The following DNASE1 variants were observed in gnomAD, a reference collection of about 807,000 sequenced individuals.
The protein encoded by DNASE1 is deoxyribonuclease 1.
In DNASE1, 40 loss-of-function variants were observed where a neutral mutation model predicts 33.9. The observed-to-expected ratio is 1.18, with a 90% confidence interval of 0.92 to 1.54. DNASE1 has a LOEUF of 1.54. DNASE1 is among the 40% of genes most tolerant of loss of function. The pLI, the probability that DNASE1 is intolerant of heterozygous loss-of-function variation, is 0.00. For missense variants in DNASE1, 518 were observed against 372.6 expected (o/e 1.39, Z -3.21); for synonymous variants, 216 against 160.0 (o/e 1.35, Z -2.64).
chr16:3,616,355 T>A (rs2041103220), intron 1 of DNASE1, among the ~76,000 whole-genome samples: 1 of 152,248 alleles, frequency 6.6e-6, no homozygotes, highest in Non-Finnish European at 1.5e-5. Flanking sequence ...GTGCGGTGGC[T>A]CACGCCTGTA....
chr16:3,634,215 A>G (rs2041796768), intron 1 of DNASE1, among the ~76,000 whole-genome samples: 1 of 151,238 alleles, frequency 6.6e-6, no homozygotes, highest in African/African-American at 2.4e-5. Flanking sequence ...TGTTGTCGAG[A>G]CAGGGTTTTT....
At chr16:3,621,866 G>C (rs542162076) in intron 1 of DNASE1, among the ~76,000 whole-genome samples, 1 of 152,270 alleles carries the variant, frequency 6.6e-6, no homozygotes, top group South Asian at 2.1e-4. Context: ...AAGTGGAATT[G>C]CTGGGTCAAA....
intron 2 of DNASE1, 61 bp from the exon 3 acceptor site, chr16:3,655,788 G>T: frequency 6.3e-7 from 1 of 1,594,010 alleles, no homozygotes; most frequent in Non-Finnish European, 8.6e-7. Flanking sequence ...TCCCTTTGTG[G>T]CGCTGTAGGG....
downstream of DNASE1, chr16:3,658,478 T>A: frequency 3.5e-6 from 2 of 578,716 alleles, no homozygotes; most frequent in South Asian, 4.2e-5. Flanking sequence ...GGTCAGGAGA[T>A]TGAGACCATC....
chr16:3,612,542 C>G (rs1267766854), intron 1 of DNASE1, among the ~76,000 whole-genome samples: 1 of 138,012 alleles, frequency 7.2e-6, no homozygotes, highest in Non-Finnish European at 1.5e-5. Context: ...TGAGCCACCG[C>G]TCACGGCTTT....
rs1449310306 is a variant in DNASE1 at position 3,656,639 on chromosome 16, C to T, written c.322C>T (p.Pro108Ser). The T allele has an allele frequency of 3.1e-6, 5 of 1,609,980 alleles. No homozygotes were observed. The Admixed American group carries it at 8.4e-5, about 27-fold the overall frequency. The change falls in exon 5 of 9, where the codon CCT becomes TCT. Residue 108 changes from proline (P) to serine (S), a missense_variant and splice_region_variant. Pro to Ser is a moderately conservative substitution (Grantham distance 74). Coordinates refer to ENST00000246949, the MANE Select transcript of DNASE1 (RefSeq NM_005223.4). ...TCCTCCTGCCCGGCCTTCCCGCAGG[C>T]CTGACCAGGTGTCTGCGGTGGACAG... ...YKERYLFVYRPDQVSAVDSYY... is the reference protein window; with the variant it reads ...YKERYLFVYRSDQVSAVDSYY...
At chr16:3,657,476 C>A in intron 7 of DNASE1, 135 bp downstream of exon 7, 1 of 1,333,800 alleles carries the variant, frequency 7.5e-7, no homozygotes, top group African/African-American at 1.5e-5. Flanking sequence ...CTACAGGGAA[C>A]AGAATAACAA....
At chr16:3,644,734 C>CTTT in intron 1 of DNASE1, among the ~76,000 whole-genome samples, 1 of 103,060 alleles carries the variant, frequency 9.7e-6, no homozygotes, top group East Asian at 2.7e-4. Context: ...GACTCCATCT[C>CTTT]AAAAAAAAAA....
chr16:3,633,365 G>A (rs1484505131), intron 1 of DNASE1, among the ~76,000 whole-genome samples: 1 of 152,152 alleles, frequency 6.6e-6, no homozygotes, highest in Non-Finnish European at 1.5e-5. Context: ...CCAGCACTTT[G>A]GGAGGCCAAG....
At chr16:3,643,543 G>A (rs1278925859) in intron 1 of DNASE1, among the ~76,000 whole-genome samples, 2 of 152,142 alleles carry the variant, frequency 1.3e-5, no homozygotes, top group African/African-American at 4.8e-5. Flanking sequence ...GCCCACCACG[G>A]AGCGGAGTGG....
chr16:3,661,951 T>C (rs371279217), downstream of DNASE1: 5 of 1,558,828 alleles, frequency 3.2e-6, no homozygotes, highest in African/African-American at 2.7e-5. Context: ...TTCTGGGGAA[T>C]CCCACAGGCT....
chr16:3,656,861 G>T, intron 5 of DNASE1, 108 bp downstream of exon 5: 1 of 1,543,516 alleles, frequency 6.5e-7, no homozygotes, highest in South Asian at 1.2e-5. Context: ...CCAGTCCCTG[G>T]GGCTTGGGTT....
chr16:3,662,259 A>G (rs1055410922), downstream of DNASE1: 6 of 1,137,936 alleles, frequency 5.3e-6, no homozygotes, highest in Admixed American at 1.0e-4. Context: ...ACTCCCCTGG[A>G]CCAGCGCTGC....
intron 2 of DNASE1, 143 bp downstream of exon 2, chr16:3,655,663 G>A (rs2042558385): frequency 1.4e-6 from 2 of 1,453,264 alleles, no homozygotes; most frequent in Admixed American, 3.6e-5. Context: ...ACAGGCTCTT[G>A]GCTGTGGACC....
intron 1 of DNASE1, among the ~76,000 whole-genome samples, chr16:3,617,997 C>T (rs1412998521): frequency 6.8e-6 from 1 of 146,668 alleles, no homozygotes; most frequent in Non-Finnish European, 1.5e-5. Flanking sequence ...ATTCTAGTAG[C>T]ACAATATAGA....
chr16:3,647,488 G>T (rs1479813896), intron 1 of DNASE1, among the ~76,000 whole-genome samples: 1 of 151,970 alleles, frequency 6.6e-6, no homozygotes, highest in Non-Finnish European at 1.5e-5. Context: ...TACCTAGACT[G>T]GTTTTGAACT....
At chr16:3,664,543 GC>G in exon 10 of DNASE1, 1 of 1,417,910 alleles carries the variant, frequency 7.1e-7, no homozygotes, top group Non-Finnish European at 9.5e-7. Context: ...ACCCTCCGAT[GC>G]CCATGGCCTC....
intron 1 of DNASE1, among the ~76,000 whole-genome samples, chr16:3,622,362 C>G (rs2041352415): frequency 6.6e-6 from 1 of 151,932 alleles, no homozygotes; most frequent in African/African-American, 2.4e-5. Context: ...TGTCTTGTAG[C>G]TTTACTTTAC....
intron 1 of DNASE1, among the ~76,000 whole-genome samples, chr16:3,630,118 CTTGTTTGTTTTTTG>C (rs1490453815): frequency 6.6e-6 from 1 of 151,670 alleles, no homozygotes; most frequent in Non-Finnish European, 1.5e-5. Flanking sequence ...ACGCCCAGCC[CTTGTTTGTTTTTTG>C]TTGTGTGTGT....
Sources: allele counts gnomAD v4.1 joint callset (sites outside exome capture counted in the v4.1 genomes callset), GRCh38; gene constraint gnomAD v4.1.1; transcripts MANE v1.5; gene names NCBI Gene and HGNC (gene_info 2026-07-23, HGNC 2026-07-21).